LPIN1: variants seen among roughly 807,000 people sequenced by gnomAD.
LPIN1 encodes the protein phosphatidate phosphatase LPIN1.
LPIN1 carries 71 observed loss-of-function variants against 107.5 expected under a neutral mutation model. The ratio of observed to expected loss-of-function variants is 0.66; its 90% CI spans 0.55 to 0.80. The LOEUF (loss-of-function observed/expected upper bound fraction) is 0.80. Ranked by LOEUF, LPIN1 falls within the 30% of genes least tolerant of loss-of-function variation. LPIN1 has a pLI of 0.00. For missense variants in LPIN1, 1,043 were observed against 1,160.6 expected, an observed-to-expected ratio of 0.90 and a Z score of 1.47; for synonymous variants, 445 against 452.6, an observed-to-expected ratio of 0.98 and a Z score of 0.21.
chr2:11,812,999 G>A (rs1032177226), intron 17 of LPIN1, among the ~76,000 whole-genome samples: 7 of 152,146 alleles, frequency 4.6e-5, no homozygotes, highest in Non-Finnish European at 5.9e-5. Context: ...AGGGTTTGAC[G>A]TCACACCTGG....
chr2:11,710,759 C>G (rs767082032), intron 1 of LPIN1, among the ~76,000 whole-genome samples: 3 of 152,134 alleles, frequency 2.0e-5, no homozygotes, highest in Non-Finnish European at 4.4e-5. Context: ...AACTGGAATT[C>G]AAAGCCAGGT....
In LPIN1 at chr2:11,795,371, TG is replaced by T. The variant is rs753894371; in HGVS notation, c.1807-35del. On this transcript the variant is annotated intron_variant, in intron 13 of 20. Coordinates refer to ENST00000674199, the MANE Select transcript of LPIN1 (RefSeq NM_001349206.2). ...CGGCTGTCTGCAAGCCCCTTCTCTG[TG>T]GTACTTCTGTGACTCTTTCTTTTCT... 34 of 1,561,302 alleles carry T rather than the reference TG, an allele frequency of 2.2e-5. No individual in the cohort carries two copies. In the Middle Eastern group the frequency reaches 5.0e-4, roughly 23 times the overall value.
chr2:11,721,939 C>A (rs1478641247), upstream of LPIN1: 1 of 152,262 alleles, frequency 6.6e-6, no homozygotes, highest in African/African-American at 2.4e-5. Flanking sequence ...TCTGCAACAA[C>A]CATCATTCAT....
chr2:11,825,891 T>C lies in LPIN1; in HGVS notation c.*1100T>C, dbSNP rs1385055312. On this transcript the variant is annotated 3_prime_UTR_variant, in exon 21 of 21. Coordinates refer to ENST00000674199, the MANE Select transcript of LPIN1 (RefSeq NM_001349206.2). The surrounding 1 kb of genome is among the most constrained non-coding windows in gnomAD (Gnocchi z 4.1). ...TTAAAAAGATGTATGTGTTAGACTA[T>C]CGAAAGGGCCTTATTCTCTCTTTCT... 1 of 152,248 alleles carries C rather than the reference T, an allele frequency of 6.6e-6. No individual in the cohort carries two copies. The highest frequency in any genetic ancestry group is 1.5e-5 in the Non-Finnish European group (1 of 68,036). The allele number at this position is 152,248 out of a possible 1,614,324, so 9.4% of individuals were successfully genotyped here.
At chr2:11,758,831 T>TG (rs1199486900) in intron 1 of LPIN1, among the ~76,000 whole-genome samples, 1 of 152,086 alleles carries the variant, frequency 6.6e-6, no homozygotes, top group Non-Finnish European at 1.5e-5. Context: ...GTCTTTGCCA[T>TG]GGGGGGAGCT....
intron 17 of LPIN1, among the ~76,000 whole-genome samples, chr2:11,806,911 T>A (rs1678789576): frequency 6.6e-6 from 1 of 152,220 alleles, no homozygotes; most frequent in African/African-American, 2.4e-5. Context: ...ATTCATCATA[T>A]CTTTTTTGTT....
intron 1 of LPIN1, among the ~76,000 whole-genome samples, chr2:11,757,661 G>T (rs1668881376): frequency 6.6e-6 from 1 of 152,078 alleles, no homozygotes; most frequent in Non-Finnish European, 1.5e-5. Flanking sequence ...CCCTTAAAGG[G>T]CATGGTCCCT....
Position 11,795,311 on chromosome 2 carries a change from G to C in LPIN1, c.1807-97G>C, listed in dbSNP as rs950634103. The C allele has an allele frequency of 9.2e-6, 9 of 974,466 alleles. No homozygotes were observed. In the Admixed American group the frequency reaches 1.6e-4, roughly 17 times the overall value. 60.4% of individuals were successfully genotyped at this position (974,466 alleles called of 1,614,324 possible). A position where few individuals can be genotyped will look rare whatever the true frequency, so the allele number is the denominator to read the frequency against. ...GTCATTGGGGAATGGTCTATCTTTA[G>C]GGGTCCTGCCTTAAGGAAGCCCATG... On this transcript the variant is annotated intron_variant, in intron 13 of 20. Transcript: ENST00000674199.
chr2:11,764,525 G>C (rs1670475096), intron 1 of LPIN1, among the ~76,000 whole-genome samples: 1 of 152,186 alleles, frequency 6.6e-6, no homozygotes, highest in Non-Finnish European at 1.5e-5. Flanking sequence ...CTTTATCTCT[G>C]GTGTGGCCCC....
intron 1 of LPIN1, among the ~76,000 whole-genome samples, chr2:11,731,166 C>G (rs984333277): frequency 2.0e-5 from 3 of 152,058 alleles, no homozygotes; most frequent in African/African-American, 4.8e-5. Context: ...ACCTATCAAC[C>G]CGTTATCTAG....
chr2:11,799,944 T>C (rs925879225), intron 14 of LPIN1, among the ~76,000 whole-genome samples: 9 of 152,198 alleles, frequency 5.9e-5, no homozygotes, highest in Non-Finnish European at 1.2e-4. Context: ...CCCAATGTCA[T>C]GGCGTTGTTC....
At chr2:11,800,504 T>G (rs1444776597) in intron 14 of LPIN1, among the ~76,000 whole-genome samples, 1 of 152,122 alleles carries the variant, frequency 6.6e-6, no homozygotes, top group East Asian at 1.9e-4. Flanking sequence ...GCCTCCCGGG[T>G]CCAAGTGATT....
chr2:11,690,912 T>C lies in LPIN1; in HGVS notation c.81+13184T>C, dbSNP rs75538055. ...GTGTCTATATGTATCTCAATTATTC[T>C]CATTTAACAGTCATTATCAGATTGT... is the stretch of plus-strand genomic sequence containing the variant. On this transcript the variant is annotated intron_variant, in intron 1 of 21. Transcript: ENST00000449576. Among the ~76,000 whole-genome samples the C allele has an allele frequency of 2.7e-3, 412 of 152,300 alleles. 1 individual carries two copies. Among genetic ancestry groups the C allele is most frequent in the African/African-American group, 9.5e-3 (393 of 41,560 alleles).
chr2:11,793,642 C>T (rs1676168467), intron 13 of LPIN1, among the ~76,000 whole-genome samples: 1 of 152,200 alleles, frequency 6.6e-6, no homozygotes, highest in Admixed American at 6.5e-5. Flanking sequence ...ATTTTCATTA[C>T]TTAGTATTCT....
intron 1 of LPIN1, among the ~76,000 whole-genome samples, chr2:11,698,402 A>G (rs1662694803): frequency 6.6e-6 from 1 of 152,202 alleles, no homozygotes; most frequent in Admixed American, 6.5e-5. Flanking sequence ...GCCACGTCCT[A>G]CGCCTCTTCC....
intron 1 of LPIN1, among the ~76,000 whole-genome samples, chr2:11,693,312 A>G (rs1173470184): frequency 2.0e-5 from 3 of 151,230 alleles, no homozygotes; most frequent in South Asian, 2.1e-4. Flanking sequence ...ATGTGCAGCC[A>G]GGCTTGGGAA....
At chr2:11,750,483 A>G (rs1667623433) in intron 1 of LPIN1, among the ~76,000 whole-genome samples, 2 of 152,222 alleles carry the variant, frequency 1.3e-5, no homozygotes, top group South Asian at 4.1e-4. Flanking sequence ...TACTATTTAA[A>G]TAGGTGATAT....
At chr2:11,778,202 A>G (rs1039317827) in intron 6 of LPIN1, among the ~76,000 whole-genome samples, 1 of 152,146 alleles carries the variant, frequency 6.6e-6, no homozygotes, top group Non-Finnish European at 1.5e-5. Context: ...GTCTGTTGGG[A>G]GCAGGGTGTC....
chr2:11,737,831 T>C (rs1665940894), intron 1 of LPIN1, among the ~76,000 whole-genome samples: 1 of 152,236 alleles, frequency 6.6e-6, no homozygotes, highest in South Asian at 2.1e-4. Flanking sequence ...AGTGTAGCGA[T>C]TCCTAAAGGA....
Sources: allele counts gnomAD v4.1 joint callset (sites outside exome capture counted in the v4.1 genomes callset), GRCh38; gene constraint gnomAD v4.1.1; non-coding constraint Gnocchi (gnomAD v3.1); transcripts MANE v1.5; gene names NCBI Gene and HGNC (gene_info 2026-07-23, HGNC 2026-07-21).